MDH1B: variants seen among roughly 807,000 people sequenced by gnomAD.
The protein encoded by MDH1B is putative malate dehydrogenase 1B.
Under a neutral mutation model 61.4 loss-of-function variants are expected in MDH1B, and 60 were observed. The observed-to-expected ratio is 0.98, with a 90% CI of 0.79 to 1.21. MDH1B has a LOEUF of 1.21. MDH1B is among the 50% of genes most tolerant of loss of function. The pLI, the probability that MDH1B is intolerant of heterozygous loss-of-function variation, is 0.00. For missense variants in MDH1B, 587 were observed against 632.1 expected (o/e 0.93, Z 0.76); for synonymous variants, 236 against 218.7 (o/e 1.08, Z -0.70).
At position 206,755,398 on chromosome 2, in the gene MDH1B, TC is replaced by T; in HGVS notation, c.520del (p.Glu174LysfsTer69). The part of the protein sequence containing the change: ...SITLFDNKQA[E>X]EHLKSLVVET... ...CACCACAAGGCTTTTGAGATGTTCT[TC>T]CGCCTGCTTGTTGTCAAATAGAGTT... On this transcript the variant is annotated frameshift_variant, in exon 5 of 12. Transcript: ENST00000374412. LOFTEE classifies it high-confidence loss of function. 1 of 1,614,244 alleles carries T rather than the reference TC, an allele frequency of 6.2e-7. No individual in the cohort carries two copies. The highest frequency in any genetic ancestry group is 8.5e-7 in the Non-Finnish European group (1 of 1,180,050).
rs1026838657 is a variant in MDH1B, at chr2:206,751,103, T to C, written c.911-28A>G. 3 of 1,465,838 alleles carry C rather than the reference T, an allele frequency of 2.0e-6. No homozygotes were observed. The East Asian group carries it at 7.0e-5, about 34-fold the overall frequency. The allele number at this position is 1,465,838 out of a possible 1,614,324, so 90.8% of individuals were successfully genotyped here. ...GTGAAGAATAGAAAGTTTAGAAAAA[T>C]AATAATAATGTATGTTAATATAAAA... On this transcript the variant is annotated intron_variant, in intron 5 of 11. Coordinates refer to ENST00000374412, the MANE Select transcript of MDH1B (RefSeq NM_001039845.3).
At chr2:206,764,360 T>A (rs1165564077) in intron 1 of MDH1B, among the ~76,000 whole-genome samples, 3 of 151,338 alleles carry the variant, frequency 2.0e-5, no homozygotes, top group Non-Finnish European at 2.9e-5. Context: ...ATCAAAGAGA[T>A]CAAATAAGTC....
At chr2:206,749,243 G>T in intron 6 of MDH1B, 60 bp from the exon 7 acceptor site, 1 of 1,498,126 alleles carries the variant, frequency 6.7e-7, no homozygotes, top group Non-Finnish European at 9.2e-7. Flanking sequence ...GAAAAAGGAT[G>T]TTCCCTGGCT....
intron 7 of MDH1B, among the ~76,000 whole-genome samples, chr2:206,747,532 C>A (rs1175085709): frequency 4.0e-5 from 6 of 149,532 alleles, no homozygotes; most frequent in Non-Finnish European, 7.4e-5. Context: ...ACCTTAACTT[C>A]AATTGAACAA....
chr2:206,740,522 T>C (rs1009810651), intron 10 of MDH1B, among the ~76,000 whole-genome samples: 4 of 152,284 alleles, frequency 2.6e-5, no homozygotes, highest in African/African-American at 9.6e-5. Flanking sequence ...TCTGCATAAG[T>C]GGACCTGCAC....
In MDH1B at chr2:206,760,938, C is replaced by T. The variant is rs144978773; in HGVS notation, c.98G>A (p.Arg33Gln). Reference sequence around the variant, plus strand: ...AGGACGTTGTGTGATTTTATGTATCCGAAAATCAGGAAGATTCTTTTGTAA... The same window carrying T: ...AGGACGTTGTGTGATTTTATGTATCTGAAAATCAGGAAGATTCTTTTGTAA... ...DYLQKNLPDF[R>Q]IHKITQRPEV... The change falls in exon 2 of 12, where the codon CGG becomes CAG. Residue 33 changes from arginine (R) to glutamine (Q), a missense_variant. By Grantham distance (43) the Arg-to-Gln change is conservative. Coordinates refer to ENST00000374412, the MANE Select transcript of MDH1B (RefSeq NM_001039845.3). The T allele has an allele frequency of 6.0e-5, 97 of 1,612,460 alleles. No individual in the cohort carries two copies. The African/African-American group carries it at 1.1e-3, about 18-fold the overall frequency.
At chr2:206,744,229 C>T (rs910720878) in intron 9 of MDH1B, among the ~76,000 whole-genome samples, 12 of 152,222 alleles carry the variant, frequency 7.9e-5, no homozygotes, top group Admixed American at 2.0e-4. Context: ...TCCCACGCAC[C>T]ACAGTTGCAG....
chr2:206,745,272 G>C, intron 9 of MDH1B: 1 of 432,514 alleles, frequency 2.3e-6, no homozygotes, highest in South Asian at 1.7e-5. Flanking sequence ...TGGCCCTGCT[G>C]ATACCTCACA....
chr2:206,763,148 C>G (rs1369099671), intron 1 of MDH1B, among the ~76,000 whole-genome samples: 1 of 151,874 alleles, frequency 6.6e-6, no homozygotes, highest in African/African-American at 2.4e-5. Flanking sequence ...CATTCCCCTA[C>G]TAAATGTGCT....
chr2:206,741,382 T>C (rs1440589679), intron 9 of MDH1B: 1 of 446,852 alleles, frequency 2.2e-6, no homozygotes, highest in South Asian at 2.0e-5. Flanking sequence ...CCTGGGTGTG[T>C]CTGTGAGGGT....
chr2:206,756,441 T>C (rs1432712495), intron 4 of MDH1B, among the ~76,000 whole-genome samples: 2 of 151,346 alleles, frequency 1.3e-5, no homozygotes, highest in African/African-American at 2.4e-5. Context: ...AGAGAGAGTA[T>C]GACAACAAAG....
intron 2 of MDH1B, among the ~76,000 whole-genome samples, chr2:206,757,702 A>G (rs1280320374): frequency 6.6e-6 from 1 of 152,204 alleles, no homozygotes; most frequent in Non-Finnish European, 1.5e-5. Flanking sequence ...AAAAAAATTC[A>G]ACTAGTTTTG....
chr2:206,757,313 A>T lies in MDH1B; in HGVS notation c.194T>A (p.Ile65Asn), dbSNP rs371641818. The change falls in exon 3 of 12, where the codon ATC becomes AAC. Residue 65 changes from isoleucine (I) to asparagine (N), a missense_variant. Ile to Asn is a moderately radical substitution (Grantham distance 149). Coordinates refer to ENST00000374412, the MANE Select transcript of MDH1B (RefSeq NM_001039845.3). Reference protein sequence around the residue: ...NKWSHKNSPIIWRELLDRGGK... With the variant: ...NKWSHKNSPINWRELLDRGGK... ...TCCACGATCCAACAGCTCTCTCCAG[A>T]TGATAGGGGAATTCTTGTGACTCCA... The T allele has an allele frequency of 1.5e-5, 24 of 1,614,022 alleles. No individual in the cohort carries two copies. The highest frequency in any genetic ancestry group is 8.9e-5 in the East Asian group (4 of 44,852).
At position 206,746,438 on chromosome 2, in the gene MDH1B, A is replaced by G. The variant is rs1178556446; in HGVS notation, c.1217-12T>C. On this transcript the variant is annotated splice_polypyrimidine_tract_variant and intron_variant, in intron 7 of 11. Transcript: ENST00000374412. The stretch of plus-strand genomic sequence containing the variant: ...AATACCAAACTGGCCTGCAGTGAGC[A>G]AACACAAAGCAAAGCAATGCAGCAG... The G allele has an allele frequency of 3.1e-6, 5 of 1,604,320 alleles. No individual in the cohort carries two copies. Among genetic ancestry groups the G allele is most frequent in the Non-Finnish European group, 4.2e-6 (5 of 1,176,684 alleles).
At chr2:206,756,805 A>T (rs1688786568) in intron 4 of MDH1B, 93 bp downstream of exon 4, 1 of 1,378,128 alleles carries the variant, frequency 7.3e-7, no homozygotes, top group African/African-American at 1.4e-5. Context: ...CCTGACATTC[A>T]GGTATTCTTC....
At position 206,755,133 on chromosome 2, in the gene MDH1B, G is replaced by A. The variant is rs748832622; in HGVS notation, c.786C>T (p.Asn262=). ...ATCTCATGAGTAAAACTGTCTTCAG[G>A]TTTACAAAGGTTCTCCCTCCCACGA... The part of the protein sequence containing the change: ...RVIVGGRTFV[N]LKTVLLMRYA... The change falls in exon 5 of 12, where the codon AAC becomes AAT. Residue 262 remains asparagine, a synonymous_variant. Transcript: ENST00000374412. The A allele has an allele frequency of 8.7e-6, 14 of 1,614,078 alleles. No individual in the cohort carries two copies. Among genetic ancestry groups the A allele is most frequent in the Non-Finnish European group, 1.0e-5 (12 of 1,180,050 alleles).
intron 7 of MDH1B, among the ~76,000 whole-genome samples, chr2:206,746,734 C>T (rs1261937418): frequency 3.3e-5 from 5 of 152,096 alleles, no homozygotes; most frequent in African/African-American, 1.2e-4. Context: ...TTCCCTGGAC[C>T]CCTATGCAGC....
At chr2:206,760,741 T>C (rs1689043356) in intron 2 of MDH1B, among the ~76,000 whole-genome samples, 160 bp downstream of exon 2, 1 of 152,186 alleles carries the variant, frequency 6.6e-6, no homozygotes, top group African/African-American at 2.4e-5. Flanking sequence ...AAATATTATT[T>C]TGAGACTGGT....
chr2:206,756,691 C>A, intron 4 of MDH1B: 3 of 543,458 alleles, frequency 5.5e-6, no homozygotes, highest in Non-Finnish European at 3.2e-6. Flanking sequence ...GTCTATAAAA[C>A]ATAAAACTCA....
Sources: gnomAD v4.1 joint callset for allele counts (sites outside exome capture counted in the v4.1 genomes callset) on GRCh38, gnomAD v4.1.1 for gene constraint, MANE v1.5 for transcripts, NCBI Gene and HGNC (gene_info 2026-07-23, HGNC 2026-07-21) for gene names.